Variants in ENPEP observed in about 807,000 individuals in gnomAD.
ENPEP encodes the protein AP-A.
A neutral mutation model predicts 114.5 loss-of-function variants in ENPEP; 103 were observed. The observed-to-expected ratio is 0.90, with a 90% CI of 0.77 to 1.06. The LOEUF is 1.06. Ranked by LOEUF, ENPEP falls within the 50% of genes least tolerant of loss-of-function variation. ENPEP has a pLI of 0.00. For missense variants in ENPEP, 1,196 were observed against 1,161.3 expected, an observed-to-expected ratio of 1.03 and a Z score of -0.43; for synonymous variants, 420 against 422.0, an observed-to-expected ratio of 1.00 and a Z score of 0.06.
intron 10 of ENPEP, among the ~76,000 whole-genome samples, chr4:110,524,926 T>C (rs1365683770): frequency 1.3e-5 from 2 of 152,246 alleles, no homozygotes; most frequent in East Asian, 3.9e-4. Flanking sequence ...GCCCAGCTAA[T>C]GTGTAAAAAA....
chr4:110,513,391 C>A, intron 6 of ENPEP, 24 bp from the exon 7 acceptor site: 1 of 1,603,442 alleles, frequency 6.2e-7, no homozygotes, highest in East Asian at 2.3e-5. Context: ...TACTATATTC[C>A]TTTGGCTCAT....
chr4:110,490,055 C>G (rs533531870), intron 2 of ENPEP, among the ~76,000 whole-genome samples: 1 of 152,062 alleles, frequency 6.6e-6, no homozygotes, highest in African/African-American at 2.4e-5. Context: ...TATGACACAC[C>G]AATCTAGATG....
chr4:110,564,742 A>G lies in ENPEP; in HGVS notation c.*3184A>G, dbSNP rs1198720176. ...CTACCCCATTGTAGTCTAGCATGGT[A>G]TGTGACTTGCTTTGGCCAGTGAAAC... is the stretch of plus-strand genomic sequence containing the variant. On this transcript the variant is annotated 3_prime_UTR_variant, in exon 20 of 20. Coordinates refer to ENST00000265162, the MANE Select transcript of ENPEP (RefSeq NM_001977.4). The G allele has an allele frequency of 1.3e-5, 2 of 152,170 alleles. No homozygotes were observed. The highest frequency in any genetic ancestry group is 1.3e-4 in the Admixed American group (2 of 15,274). 9.4% of individuals were successfully genotyped at this position (152,170 alleles called of 1,614,324 possible).
chr4:110,531,354 C>A (rs1287424259), intron 11 of ENPEP, 77 bp downstream of exon 11: 19 of 1,140,250 alleles, frequency 1.7e-5, no homozygotes, highest in Non-Finnish European at 2.0e-5. Context: ...AAAGATGCAA[C>A]AGTAAAGCTG....
rs12501626 is a variant in ENPEP at position 110,553,503 on chromosome 4, C to T, written c.2642+48C>T. On this transcript the variant is annotated intron_variant, in intron 18 of 19. Coordinates refer to ENST00000265162, the MANE Select transcript of ENPEP (RefSeq NM_001977.4). ...TGCTGTTTTCTTTGTTTCATACTAT[C>T]TACTGGTTCCTTCATTTTTCTTTGG... 2.0e-5 allele frequency: 31 copies of T among 1,538,462 alleles called. 1 individual carries two copies. The Admixed American group carries it at 4.1e-4, about 20-fold the overall frequency.
rs562336109 is a variant in ENPEP, at chr4:110,548,247, C to G, written c.2072C>G (p.Pro691Arg). ...KYLKREENFL[P>R]WQRVISAVTY... ...CTCAAAAGGGAAGAGAATTTTTTAC[C>G]ATGGCAGAGAGTAATTTCAGCTGTA... Residue 691 changes from proline (P) to arginine (R), a missense_variant, in exon 14 of 20, where the codon CCA (proline) becomes CGA (arginine). Transcript: ENST00000265162. 1 of 1,579,198 alleles carries G rather than the reference C, an allele frequency of 6.3e-7. No homozygotes were observed. The highest frequency in any genetic ancestry group is 8.6e-7 in the Non-Finnish European group (1 of 1,162,420).
intron 1 of ENPEP, among the ~76,000 whole-genome samples, chr4:110,486,107 A>G (rs534074858): frequency 6.6e-6 from 1 of 152,216 alleles, no homozygotes; most frequent in Admixed American, 6.5e-5. Flanking sequence ...TTTTCCTTCA[A>G]ATATTATTAG....
chr4:110,523,320 T>A (rs1381981135), intron 10 of ENPEP, among the ~76,000 whole-genome samples: 1 of 152,200 alleles, frequency 6.6e-6, no homozygotes, highest in Non-Finnish European at 1.5e-5. Flanking sequence ...CCTGCCGCCA[T>A]GTAAAATGTC....
chr4:110,532,175 A>G (rs1290453654), intron 11 of ENPEP, among the ~76,000 whole-genome samples: 1 of 152,192 alleles, frequency 6.6e-6, no homozygotes, highest in Non-Finnish European at 1.5e-5. Context: ...TTTAAAGTGT[A>G]CAATCCAGTG....
intron 7 of ENPEP, 123 bp downstream of exon 7, chr4:110,513,672 T>C: frequency 8.8e-7 from 1 of 1,137,076 alleles, no homozygotes; most frequent in Non-Finnish European, 1.2e-6. Context: ...AGTGTAGAAG[T>C]TATTCTGAGT....
intron 7 of ENPEP, among the ~76,000 whole-genome samples, chr4:110,514,560 TC>T (rs1484409120): frequency 2.0e-5 from 3 of 152,084 alleles, no homozygotes; most frequent in Admixed American, 2.0e-4. Flanking sequence ...CAATCATTTT[TC>T]CCCTTAGTCC....
At chr4:110,498,956 T>C (rs1364710057) in intron 3 of ENPEP, among the ~76,000 whole-genome samples, 1 of 152,228 alleles carries the variant, frequency 6.6e-6, no homozygotes, top group Non-Finnish European at 1.5e-5. Context: ...GGTTTGCTTT[T>C]TTCCTGGCCT....
At chr4:110,532,628 A>C (rs1578410940) in intron 11 of ENPEP, among the ~76,000 whole-genome samples, 1 of 152,270 alleles carries the variant, frequency 6.6e-6, no homozygotes, top group South Asian at 2.1e-4. Flanking sequence ...TTTAAAAAAA[A>C]ACGTTTATTG....
In ENPEP at chr4:110,491,150, A is replaced by G. The variant is rs925593530; in HGVS notation, c.904A>G (p.Asn302Asp). ...ATTTGACTCTGTAAAGAGAATATCA[A>G]ATAGTGGAAAACCTGTGAGTCTCAT... Reference protein sequence around the residue: ...HQFDSVKRISNSGKPLTIYVQ... With the variant: ...HQFDSVKRISDSGKPLTIYVQ... The change falls in exon 3 of 20, where the codon AAT (asparagine) becomes GAT (aspartate). Residue 302 changes from asparagine to aspartate, a missense_variant. Transcript: ENST00000265162. The G allele has an allele frequency of 1.2e-6, 2 of 1,606,572 alleles. No individual in the cohort carries two copies. The highest frequency in any genetic ancestry group is 2.2e-4 in the Middle Eastern group (1 of 4,466).
At position 110,553,422 on chromosome 4, in the gene ENPEP, G is replaced by T. The variant is rs749431998; in HGVS notation, c.2609G>T (p.Trp870Leu). The T allele has an allele frequency of 6.2e-7, 1 of 1,610,532 alleles. No individual in the cohort carries two copies. Among genetic ancestry groups the T allele is most frequent in the South Asian group, 1.1e-5 (1 of 90,566 alleles). ...TATGGGAAGAACATGGCCTGGAATT[G>T]GATACAACTCAACTGGGACTATCTA... Reference protein sequence around the residue: ...NSYGKNMAWNWIQLNWDYLVN... With the variant: ...NSYGKNMAWNLIQLNWDYLVN... Residue 870 changes from tryptophan (W) to leucine (L), a missense_variant, in exon 18 of 20, where the codon TGG becomes TTG. Coordinates refer to ENST00000265162, the MANE Select transcript of ENPEP (RefSeq NM_001977.4).
intron 10 of ENPEP, among the ~76,000 whole-genome samples, chr4:110,526,778 A>G (rs952104962): frequency 6.6e-6 from 1 of 152,164 alleles, no homozygotes; most frequent in Non-Finnish European, 1.5e-5. Flanking sequence ...CAATATTGCA[A>G]TGAGCAGCCC....
At chr4:110,558,740 C>G (rs1408172230) in intron 18 of ENPEP, among the ~76,000 whole-genome samples, 1 of 151,582 alleles carries the variant, frequency 6.6e-6, no homozygotes, top group Non-Finnish European at 1.5e-5. Context: ...TTTTTTTTAC[C>G]TCTATCACAA....
chr4:110,518,178 A>C (rs1725852892), intron 8 of ENPEP, among the ~76,000 whole-genome samples: 1 of 152,252 alleles, frequency 6.6e-6, no homozygotes, highest in Admixed American at 6.5e-5. Context: ...GAGCAAAATT[A>C]TCAACTGGAA....
chr4:110,513,642 G>T, intron 7 of ENPEP, 93 bp downstream of exon 7: 1 of 1,481,652 alleles, frequency 6.7e-7, no homozygotes, highest in Admixed American at 2.0e-5. Context: ...GTCACACTGT[G>T]CCAGTGAGCT....
Sources: allele counts gnomAD v4.1 joint callset (sites outside exome capture counted in the v4.1 genomes callset), GRCh38; gene constraint gnomAD v4.1.1; transcripts MANE v1.5; gene names NCBI Gene and HGNC (gene_info 2026-07-23, HGNC 2026-07-21).